The following FLRT2 variants were observed in gnomAD, a reference collection of about 807,000 sequenced individuals.
The protein encoded by FLRT2 is fibronectin leucine rich transmembrane protein 2.
In FLRT2, 15 loss-of-function variants were observed where a neutral mutation model predicts 40.0. That is an observed-to-expected ratio of 0.38 (90% CI 0.25 to 0.58). The LOEUF is 0.58. Among genes scored for constraint, FLRT2 ranks in the 20% least tolerant of loss-of-function variants. The pLI is 0.71. For synonymous variants in FLRT2, 380 were observed against 336.8 expected (o/e 1.13, Z -1.41); for missense variants, 726 against 840.0 (o/e 0.86, Z 1.68).
chr14:85,566,722 T>C (rs1890640909), intron 1 of FLRT2, among the ~76,000 whole-genome samples: 3 of 150,628 alleles, frequency 2.0e-5, no homozygotes, highest in Admixed American at 2.0e-4. Flanking sequence ...GAAAGTGTCA[T>C]CTCGTGGCTG....
At chr14:85,612,293 C>A (rs1334359040) in intron 1 of FLRT2, among the ~76,000 whole-genome samples, 1 of 151,990 alleles carries the variant, frequency 6.6e-6, no homozygotes, top group Non-Finnish European at 1.5e-5. Flanking sequence ...AAAGGATCTG[C>A]CTGTATGTTT....
At position 85,642,399 on chromosome 14, in the gene FLRT2, G is replaced by A. The variant is rs1594978013; in HGVS notation, c.*18902G>A. The A allele has an allele frequency of 6.6e-6, 1 of 152,118 alleles. No homozygotes were observed. Among genetic ancestry groups the A allele is most frequent in the East Asian group, 1.9e-4 (1 of 5,182 alleles). 9.4% of individuals were successfully genotyped at this position (152,118 alleles called of 1,614,324 possible). On this transcript the variant is annotated 3_prime_UTR_variant, in exon 2 of 2. Transcript: ENST00000330753. ...ATCTCTGTTATATAAGGTTGATTCT[G>A]CCTTTGTGGGGAGAACTAACTTACC...
chr14:85,636,327 C>T lies in FLRT2; in HGVS notation c.*12830C>T, dbSNP rs1339500083. The T allele has an allele frequency of 8.0e-6, 1 of 125,430 alleles. No homozygotes were observed. Among genetic ancestry groups the T allele is most frequent in the East Asian group, 2.7e-4 (1 of 3,646 alleles). 7.8% of individuals were successfully genotyped at this position (125,430 alleles called of 1,614,324 possible). On this transcript the variant is annotated 3_prime_UTR_variant, in exon 2 of 2. Coordinates refer to ENST00000330753, the MANE Select transcript of FLRT2 (RefSeq NM_013231.6). Reference sequence around the variant, plus strand: ...TTGCAAACATTGAAATTCTACCTGGCAGTTTAAAGAACATCACTAACATTG... The same window carrying T: ...TTGCAAACATTGAAATTCTACCTGGTAGTTTAAAGAACATCACTAACATTG...
intron 1 of FLRT2, among the ~76,000 whole-genome samples, chr14:85,590,442 A>G (rs1241155239): frequency 6.6e-6 from 1 of 152,206 alleles, no homozygotes; most frequent in Non-Finnish European, 1.5e-5. Context: ...TCTCAATGAT[A>G]GGTGAAGTGC....
Position 85,654,137 on chromosome 14 carries a change from C to T in FLRT2, c.*30640C>T, listed in dbSNP as rs1894495251. 1 of 152,038 alleles carries T rather than the reference C, an allele frequency of 6.6e-6. No homozygotes were observed. The highest frequency in any genetic ancestry group is 2.1e-4 in the South Asian group (1 of 4,812). 9.4% of individuals were successfully genotyped at this position (152,038 alleles called of 1,614,324 possible). ...CCTTGATGTTTATGTCTATGCCAAACTTGCTCTGCTGAGTTCCTGGTGGAA... is the reference window on the plus strand; with the variant it reads ...CCTTGATGTTTATGTCTATGCCAAATTTGCTCTGCTGAGTTCCTGGTGGAA... On this transcript the variant is annotated 3_prime_UTR_variant, in exon 2 of 2. Transcript: ENST00000330753.
chr14:85,588,237 G>A (rs1189018750), intron 1 of FLRT2, among the ~76,000 whole-genome samples: 1 of 152,050 alleles, frequency 6.6e-6, no homozygotes, highest in Admixed American at 6.5e-5. Flanking sequence ...ATCTTGTTAA[G>A]TGAAAGACAG....
At position 85,530,177 on chromosome 14, in the gene FLRT2, C is replaced by G. The variant is rs1159598297; in HGVS notation, c.-734C>G. The G allele has an allele frequency of 6.5e-6, 1 of 152,738 alleles. No homozygotes were observed. Among genetic ancestry groups the G allele is most frequent in the Non-Finnish European group, 1.5e-5 (1 of 68,110 alleles). The allele number at this position is 152,738 out of a possible 1,614,324, so 9.5% of individuals were successfully genotyped here. A position where few individuals can be genotyped will look rare whatever the true frequency, so the allele number is the denominator to read the frequency against. On this transcript the variant is annotated 5_prime_UTR_variant, in exon 1 of 2. Coordinates refer to ENST00000330753, the MANE Select transcript of FLRT2 (RefSeq NM_013231.6). ...GTTCGAAACCTGTCGCCGTCACTTG[C>G]GCGTTTGGCATTATCCATTGTCACC...
intron 1 of FLRT2, among the ~76,000 whole-genome samples, chr14:85,534,734 G>GGCA (rs1888539003): frequency 1.3e-5 from 2 of 151,970 alleles, no homozygotes; most frequent in Admixed American, 6.6e-5. Flanking sequence ...TTGAGGCGGC[G>GGCA]GCAGCGGAGA....
intron 1 of FLRT2, among the ~76,000 whole-genome samples, chr14:85,534,886 A>T (rs915220486): frequency 7.1e-6 from 1 of 141,812 alleles, no homozygotes; most frequent in Non-Finnish European, 1.5e-5. Context: ...AAAGCAGCTC[A>T]GCGTTTGCTG....
At chr14:85,532,858 A>T (rs1181353682) in intron 1 of FLRT2, among the ~76,000 whole-genome samples, 2 of 152,152 alleles carry the variant, frequency 1.3e-5, no homozygotes, top group African/African-American at 4.8e-5. Flanking sequence ...TGTCTAAGTA[A>T]TAGATCCTCC....
chr14:85,560,878 T>C (rs1890271109), intron 1 of FLRT2: 3 of 152,194 alleles, frequency 2.0e-5, no homozygotes, highest in Admixed American at 2.0e-4. Flanking sequence ...AATTAGATCT[T>C]CTTGACTAAG....
chr14:85,533,254 G>A (rs1351202986), intron 1 of FLRT2, among the ~76,000 whole-genome samples: 1 of 151,634 alleles, frequency 6.6e-6, no homozygotes, highest in Non-Finnish European at 1.5e-5. Context: ...AGGCGATCCC[G>A]CGAATTCATT....
chr14:85,532,081 C>CT (rs2139791231), intron 1 of FLRT2, among the ~76,000 whole-genome samples: 1 of 152,374 alleles, frequency 6.6e-6, no homozygotes, highest in African/African-American at 2.4e-5. Context: ...GTCACTCAGG[C>CT]TTTGAACTGA....
intron 1 of FLRT2, among the ~76,000 whole-genome samples, chr14:85,584,308 C>G (rs1891522091): frequency 6.6e-6 from 1 of 152,132 alleles, no homozygotes; most frequent in South Asian, 2.1e-4. Flanking sequence ...GGACATTGCA[C>G]TTATTTCCTT....
intron 1 of FLRT2, among the ~76,000 whole-genome samples, chr14:85,596,861 G>A (rs1892162641): frequency 6.6e-6 from 1 of 152,130 alleles, no homozygotes; most frequent in African/African-American, 2.4e-5. Context: ...AGAGCATATG[G>A]CCTTAACGAT....
At chr14:85,557,377 G>A (rs1890038677) in intron 1 of FLRT2, among the ~76,000 whole-genome samples, 1 of 152,022 alleles carries the variant, frequency 6.6e-6, no homozygotes, top group Admixed American at 6.6e-5. Flanking sequence ...GAGTATTGAA[G>A]TGTTGAATTA....
chr14:85,563,765 C>T (rs1232879653), intron 1 of FLRT2, among the ~76,000 whole-genome samples: 3 of 152,046 alleles, frequency 2.0e-5, no homozygotes, highest in African/African-American at 7.2e-5. Context: ...TACCTCCAAA[C>T]CCTAGTACTT....
At position 85,621,333 on chromosome 14, in the gene FLRT2, A is replaced by G. The variant is rs975439633; in HGVS notation, c.-182A>G. 4.8e-6 allele frequency: 3 copies of G among 621,912 alleles called. No individual in the cohort carries two copies. The highest frequency in any genetic ancestry group is 8.2e-6 in the Non-Finnish European group (3 of 366,888). 38.5% of individuals were successfully genotyped at this position (621,912 alleles called of 1,614,324 possible). On this transcript the variant is annotated 5_prime_UTR_variant, in exon 2 of 2. Transcript: ENST00000330753. The stretch of plus-strand genomic sequence containing the variant: ...ATGGAGGACAGCAGCAAAGAGGGCA[A>G]CACAGGCTGATAAGACCAGAGACAG...
Position 85,622,261 on chromosome 14 carries a change from C to A in FLRT2, c.747C>A (p.Leu249=). 1 of 1,614,106 alleles carries A rather than the reference C, an allele frequency of 6.2e-7. No individual in the cohort carries two copies. Among genetic ancestry groups the A allele is most frequent in the Non-Finnish European group, 8.5e-7 (1 of 1,180,020 alleles). The change falls in exon 2 of 2, where the codon CTC becomes CTA. Residue 249 remains leucine, a synonymous_variant. Transcript: ENST00000330753. ...CGCTGTCCCACCCTCCTCCCGATCT[C>A]CCAGGTACGCATCTGATCAGGCTCT... The part of the protein sequence containing the change: ...RNSLSHPPPD[L]PGTHLIRLYL...
Sources: allele counts gnomAD v4.1 joint callset (sites outside exome capture counted in the v4.1 genomes callset), GRCh38; gene constraint gnomAD v4.1.1; transcripts MANE v1.5; gene names NCBI Gene and HGNC (gene_info 2026-07-23, HGNC 2026-07-21).